CTNNA3: variants seen among roughly 807,000 people sequenced by gnomAD.
CTNNA3 encodes the protein catenin alpha 3.
A neutral mutation model predicts 95.7 loss-of-function variants in CTNNA3; 76 were observed. The ratio of observed to expected loss-of-function variants is 0.79; its 90% CI spans 0.66 to 0.96. The LOEUF is 0.96. CTNNA3 is among the 40% of genes least tolerant of loss of function. The pLI, the probability that CTNNA3 is intolerant of heterozygous loss-of-function variation, is 0.00. For missense variants in CTNNA3, 1,191 were observed against 1,089.8 expected, an observed-to-expected ratio of 1.09 and a Z score of -1.31; for synonymous variants, 431 against 374.4, an observed-to-expected ratio of 1.15 and a Z score of -1.74.
rs192728286 is a variant in CTNNA3 at position 67,503,969 on chromosome 10, A to T, written c.579+17873T>A. Among the ~76,000 whole-genome samples, 446 of 151,980 alleles carry T rather than the reference A, an allele frequency of 2.9e-3. 2 individuals carry two copies. Among genetic ancestry groups the T allele is most frequent in the African/African-American group, 8.8e-3 (364 of 41,478 alleles). Reference sequence around the variant, plus strand: ...TCAGGAGATCAAGACCATCCTGGCTAACATGGTGAAACCCCGTCTCTACTA... The same window carrying T: ...TCAGGAGATCAAGACCATCCTGGCTTACATGGTGAAACCCCGTCTCTACTA... On this transcript the variant is annotated intron_variant, in intron 5 of 17. Coordinates refer to ENST00000433211, the MANE Select transcript of CTNNA3 (RefSeq NM_013266.4).
At chr10:66,033,063 C>T (rs12355285) in intron 15 of CTNNA3, among the ~76,000 whole-genome samples, 48,959 of 151,676 alleles carry the variant, frequency 0.32, 8,130 homozygotes, top group South Asian at 0.41. Flanking sequence ...TTCTGTAGGC[C>T]TAGTTCAAGT....
intron 6 of CTNNA3, among the ~76,000 whole-genome samples, chr10:67,212,445 C>A (rs1864177030): frequency 6.6e-6 from 1 of 151,854 alleles, no homozygotes; most frequent in Non-Finnish European, 1.5e-5. Flanking sequence ...ACGGCTTGCT[C>A]TTTTATGGTA....
chr10:66,479,114 T>C (rs1839426097), intron 11 of CTNNA3, among the ~76,000 whole-genome samples: 1 of 152,146 alleles, frequency 6.6e-6, no homozygotes, highest in South Asian at 2.1e-4. Context: ...CATTTTTTAA[T>C]ATTTCTAGAA....
intron 4 of CTNNA3, among the ~76,000 whole-genome samples, chr10:67,523,721 C>A (rs576855924): frequency 6.6e-6 from 1 of 152,256 alleles, no homozygotes; most frequent in Admixed American, 6.5e-5. Flanking sequence ...ACATATTAAA[C>A]ACAGCCAAAA....
chr10:66,301,486 A>T (rs949151712), intron 12 of CTNNA3, among the ~76,000 whole-genome samples: 8 of 151,934 alleles, frequency 5.3e-5, no homozygotes, highest in African/African-American at 1.9e-4. Context: ...CTTTTAGTAT[A>T]TAAATAATTT....
intron 7 of CTNNA3, among the ~76,000 whole-genome samples, chr10:67,045,066 A>G (rs1272909323): frequency 6.6e-6 from 1 of 152,336 alleles, no homozygotes. Context: ...TATAGATGCC[A>G]AATATGAAAG....
chr10:66,155,155 T>C (rs991024028), intron 13 of CTNNA3, among the ~76,000 whole-genome samples: 6 of 151,836 alleles, frequency 4.0e-5, no homozygotes, highest in Admixed American at 1.3e-4. Flanking sequence ...AGCATTCTTT[T>C]ATGTGTCCCA....
intron 1 of CTNNA3, among the ~76,000 whole-genome samples, chr10:67,720,677 G>A (rs1030033160): frequency 2.0e-5 from 3 of 151,992 alleles, no homozygotes; most frequent in Non-Finnish European, 2.9e-5. Flanking sequence ...ATGTTAGCTG[G>A]GCATGGTGGC....
intron 1 of CTNNA3, among the ~76,000 whole-genome samples, chr10:67,651,083 G>A (rs1287254338): frequency 6.6e-6 from 1 of 151,274 alleles, no homozygotes; most frequent in Non-Finnish European, 1.5e-5. Flanking sequence ...CTAACCATCT[G>A]TAATGTGGTT....
intron 5 of CTNNA3, among the ~76,000 whole-genome samples, chr10:67,338,677 C>T (rs961152673): frequency 1.3e-5 from 2 of 152,082 alleles, no homozygotes; most frequent in Non-Finnish European, 2.9e-5. Flanking sequence ...AACCTTCTTC[C>T]AGTAAATGTC....
At chr10:66,310,750 G>A (rs1481804138) in intron 12 of CTNNA3, among the ~76,000 whole-genome samples, 7 of 148,358 alleles carry the variant, frequency 4.7e-5, no homozygotes, top group African/African-American at 1.3e-4. Context: ...GCAGTGGTGC[G>A]AACTCAGCTC....
chr10:66,556,058 A>C (rs1194196224), intron 10 of CTNNA3, among the ~76,000 whole-genome samples: 2 of 152,098 alleles, frequency 1.3e-5, no homozygotes, highest in African/African-American at 4.8e-5. Flanking sequence ...ATAAGCAACC[A>C]AATAGACATT....
intron 13 of CTNNA3, among the ~76,000 whole-genome samples, chr10:66,167,659 T>C (rs1029338460): frequency 2.0e-5 from 3 of 152,176 alleles, no homozygotes; most frequent in African/African-American, 4.8e-5. Context: ...TGTTAATCTA[T>C]GTCCTCTGAG....
intron 7 of CTNNA3, chr10:66,926,177 A>G (rs1344608215): frequency 2.2e-6 from 1 of 462,828 alleles, no homozygotes; most frequent in Middle Eastern, 3.2e-4. Context: ...TGGGGTATGG[A>G]ATACAGATGT....
At chr10:67,246,020 T>A (rs1449390995) in intron 5 of CTNNA3, among the ~76,000 whole-genome samples, 1 of 152,200 alleles carries the variant, frequency 6.6e-6, no homozygotes, top group Non-Finnish European at 1.5e-5. Context: ...GTATTCTACT[T>A]AGGTCATCTT....
intron 9 of CTNNA3, among the ~76,000 whole-genome samples, chr10:66,643,758 A>G (rs1457649177): frequency 6.6e-6 from 1 of 152,178 alleles, no homozygotes; most frequent in Non-Finnish European, 1.5e-5. Flanking sequence ...ACAAATTCAA[A>G]ATTGACCATT....
At chr10:66,267,205 T>A (rs1372121203) in intron 13 of CTNNA3, among the ~76,000 whole-genome samples, 1 of 152,072 alleles carries the variant, frequency 6.6e-6, no homozygotes, top group Non-Finnish European at 1.5e-5. Flanking sequence ...TTGACATGCA[T>A]GAAGACTCTT....
At chr10:66,292,743 T>C (rs2091705517) in intron 12 of CTNNA3, among the ~76,000 whole-genome samples, 3 of 152,164 alleles carry the variant, frequency 2.0e-5, no homozygotes, top group African/African-American at 2.4e-5. Flanking sequence ...CTCTCACATA[T>C]CATTTTATTA....
At chr10:67,183,155 C>T (rs191704652) in intron 6 of CTNNA3, among the ~76,000 whole-genome samples, 1 of 152,078 alleles carries the variant, frequency 6.6e-6, no homozygotes, top group Non-Finnish European at 1.5e-5. Context: ...TCTAGAACTA[C>T]AAATACCATT....
Sources: allele counts gnomAD v4.1 joint callset (sites outside exome capture counted in the v4.1 genomes callset), GRCh38; gene constraint gnomAD v4.1.1; transcripts MANE v1.5; gene names NCBI Gene and HGNC (gene_info 2026-07-23, HGNC 2026-07-21).